Variants in CNTNAP2 observed in about 807,000 individuals in gnomAD.
CNTNAP2 encodes the protein contactin-associated protein-like 2.
In CNTNAP2, 98 loss-of-function variants were observed where a neutral mutation model predicts 155.2. That is an observed-to-expected ratio of 0.63 (90% CI 0.54 to 0.75). CNTNAP2 has a LOEUF of 0.75. Among genes scored for constraint, CNTNAP2 ranks in the 30% least tolerant of loss-of-function variants. The pLI is 0.00. For synonymous variants in CNTNAP2, 651 were observed against 631.2 expected, an observed-to-expected ratio of 1.03 and a Z score of -0.47; for missense variants, 1,727 against 1,688.1, an observed-to-expected ratio of 1.02 and a Z score of -0.40.
intron 11 of CNTNAP2, among the ~76,000 whole-genome samples, chr7:147,545,026 CAT>C (rs879476102): frequency 6.6e-6 from 1 of 152,078 alleles, no homozygotes; most frequent in Non-Finnish European, 1.5e-5. Flanking sequence ...CACACACACA[CAT>C]ACACGTACTC....
intron 1 of CNTNAP2, among the ~76,000 whole-genome samples, chr7:146,636,865 T>C (rs1326849036): frequency 6.6e-6 from 1 of 152,190 alleles, no homozygotes; most frequent in Non-Finnish European, 1.5e-5. Flanking sequence ...AATCCCCTCA[T>C]AACCTTGCTT....
chr7:146,911,516 T>G (rs2129217127), intron 3 of CNTNAP2, among the ~76,000 whole-genome samples: 1 of 152,004 alleles, frequency 6.6e-6, no homozygotes, highest in East Asian at 1.9e-4. Context: ...GGGACATGGA[T>G]GAAATTGGAA....
intron 8 of CNTNAP2, among the ~76,000 whole-genome samples, chr7:147,214,859 TCA>T (rs1803231080): frequency 6.6e-6 from 1 of 152,110 alleles, no homozygotes; most frequent in Non-Finnish European, 1.5e-5. Flanking sequence ...TTTAGTTGAC[TCA>T]CAGTTCCACA....
At chr7:146,591,763 T>A (rs1186472015) in intron 1 of CNTNAP2, among the ~76,000 whole-genome samples, 2 of 152,212 alleles carry the variant, frequency 1.3e-5, no homozygotes, top group Non-Finnish European at 2.9e-5. Flanking sequence ...TGTCCACTAC[T>A]CTGACAGCAT....
chr7:146,694,945 A>G (rs1382678637), intron 1 of CNTNAP2, among the ~76,000 whole-genome samples: 2 of 152,162 alleles, frequency 1.3e-5, no homozygotes, highest in Non-Finnish European at 2.9e-5. Context: ...CTTGAATCCT[A>G]CAACATTACT....
At chr7:147,019,760 C>A (rs1798786897) in intron 3 of CNTNAP2, among the ~76,000 whole-genome samples, 1 of 151,914 alleles carries the variant, frequency 6.6e-6, no homozygotes, top group African/African-American at 2.4e-5. Context: ...CTTTACAGTA[C>A]AAAGCAGAAA....
chr7:146,859,124 A>T (rs1415699616), intron 3 of CNTNAP2, among the ~76,000 whole-genome samples: 1 of 152,226 alleles, frequency 6.6e-6, no homozygotes, highest in Non-Finnish European at 1.5e-5. Context: ...AGGCAATAAC[A>T]TTAGAATTTC....
rs145403587 is a variant in CNTNAP2 at position 146,740,955 on chromosome 7, G to T, written c.98-33316G>T. On this transcript the variant is annotated intron_variant, in intron 1 of 23. Coordinates refer to ENST00000361727, the MANE Select transcript of CNTNAP2 (RefSeq NM_014141.6). ...CCTGGTGAGACCTGGTGTCCTGGTG[G>T]GTCTATAGGCTCAGTCTGCTGGTAC... 8.5e-3 allele frequency among the ~76,000 whole-genome samples: 1,299 copies of T among 152,234 alleles called. 6 individuals are homozygous for T. Among genetic ancestry groups the T allele is most frequent in the Non-Finnish European group, 0.012 (830 of 68,004 alleles).
chr7:147,697,588 A>C (rs980334190), intron 13 of CNTNAP2, among the ~76,000 whole-genome samples: 2 of 152,104 alleles, frequency 1.3e-5, no homozygotes, highest in African/African-American at 4.8e-5. Flanking sequence ...GCGGGGAAGC[A>C]TTCTATGATT....
intron 8 of CNTNAP2, among the ~76,000 whole-genome samples, chr7:147,265,104 G>A (rs1381486424): frequency 6.6e-6 from 1 of 152,166 alleles, no homozygotes; most frequent in Non-Finnish European, 1.5e-5. Flanking sequence ...GGTAAGGGAG[G>A]AGTGAGAGTT....
intron 9 of CNTNAP2, among the ~76,000 whole-genome samples, chr7:147,392,243 G>T (rs1796731698): frequency 6.6e-6 from 1 of 151,270 alleles, no homozygotes; most frequent in African/African-American, 2.4e-5. Flanking sequence ...CCGCTAACTT[G>T]CATATTCCTG....
chr7:148,193,125 A>G (rs1407502084), intron 18 of CNTNAP2, among the ~76,000 whole-genome samples: 1 of 152,200 alleles, frequency 6.6e-6, no homozygotes, highest in Non-Finnish European at 1.5e-5. Flanking sequence ...TTTTTATTTT[A>G]TTGCAAATAT....
chr7:146,651,228 C>G (rs1170990195), intron 1 of CNTNAP2, among the ~76,000 whole-genome samples: 1 of 151,888 alleles, frequency 6.6e-6, no homozygotes, highest in African/African-American at 2.4e-5. Context: ...TTTAGAATAC[C>G]AGAAAGCACA....
chr7:146,333,182 T>C (rs1801214272), intron 1 of CNTNAP2, among the ~76,000 whole-genome samples: 1 of 151,986 alleles, frequency 6.6e-6, no homozygotes, highest in Non-Finnish European at 1.5e-5. Context: ...TGACCTCAAA[T>C]AATCCACCCG....
At chr7:148,042,581 G>C (rs965033033) in intron 15 of CNTNAP2, among the ~76,000 whole-genome samples, 1 of 152,122 alleles carries the variant, frequency 6.6e-6, no homozygotes, top group Admixed American at 6.5e-5. Context: ...ACCCTCTGTT[G>C]TTTTTCCTCT....
At chr7:146,874,490 C>A (rs1006915373) in intron 3 of CNTNAP2, among the ~76,000 whole-genome samples, 2 of 152,046 alleles carry the variant, frequency 1.3e-5, no homozygotes, top group Non-Finnish European at 2.9e-5. Flanking sequence ...CAGGCACCTG[C>A]CATCATGCCT....
At chr7:147,993,332 T>C (rs1007767046) in intron 15 of CNTNAP2, among the ~76,000 whole-genome samples, 4 of 152,236 alleles carry the variant, frequency 2.6e-5, no homozygotes, top group Admixed American at 2.0e-4. Context: ...GTTACTTAGG[T>C]ATCTTTATTT....
intron 20 of CNTNAP2, among the ~76,000 whole-genome samples, chr7:148,258,950 G>A (rs1796505477): frequency 6.6e-6 from 1 of 151,860 alleles, no homozygotes; most frequent in Admixed American, 6.6e-5. Flanking sequence ...GGCTGAGGCA[G>A]GCAGATCACG....
chr7:146,828,180 T>C (rs1264848368), intron 2 of CNTNAP2, among the ~76,000 whole-genome samples: 1 of 151,984 alleles, frequency 6.6e-6, no homozygotes, highest in Admixed American at 6.6e-5. Flanking sequence ...GTATTTATAG[T>C]AAATAAGGAA....
Sources: gnomAD v4.1 joint callset for allele counts (sites outside exome capture counted in the v4.1 genomes callset) on GRCh38, gnomAD v4.1.1 for gene constraint, MANE v1.5 for transcripts, NCBI Gene and HGNC (gene_info 2026-07-23, HGNC 2026-07-21) for gene names.